Variants in HMGCLL1 observed in about 807,000 individuals in gnomAD.
HMGCLL1 encodes 3-hydroxy-3-methylglutaryl-CoA lyase like 1.
Under a neutral mutation model 39.1 loss-of-function variants are expected in HMGCLL1, and 36 were observed. The observed-to-expected ratio is 0.92, with a 90% CI of 0.71 to 1.22. The LOEUF is 1.22. HMGCLL1 is among the 50% of genes most tolerant of loss of function. HMGCLL1 has a pLI of 0.00. For missense variants in HMGCLL1, 451 were observed against 416.5 expected (o/e 1.08, Z -0.72); for synonymous variants, 149 against 144.0 (o/e 1.03, Z -0.25).
chr6:55,532,005 C>A (rs1768715037), intron 3 of HMGCLL1, among the ~76,000 whole-genome samples: 1 of 152,106 alleles, frequency 6.6e-6, no homozygotes, highest in Non-Finnish European at 1.5e-5. Flanking sequence ...CTTGAATCAT[C>A]TGGAAACTAC....
At chr6:55,576,873 G>A (rs1771783563) in intron 1 of HMGCLL1, among the ~76,000 whole-genome samples, 1 of 152,174 alleles carries the variant, frequency 6.6e-6, no homozygotes, top group African/African-American at 2.4e-5. Context: ...TTTTGAAAAT[G>A]TTTGAGTTTG....
At chr6:55,668,855 G>A in the HMGCLL1 span, among the ~76,000 whole-genome samples, 1 of 151,740 alleles carries the variant, frequency 6.6e-6, no homozygotes, top group Non-Finnish European at 1.5e-5. Flanking sequence ...TACCACAGCA[G>A]CAGCACCAGT....
chr6:55,640,591 A>G, the HMGCLL1 span, among the ~76,000 whole-genome samples: 1 of 151,866 alleles, frequency 6.6e-6, no homozygotes, highest in South Asian at 2.1e-4. Context: ...GAGGTGTAAG[A>G]AAGAAAGGAG....
chr6:55,439,502 T>C lies in HMGCLL1; in HGVS notation c.853A>G (p.Lys285Glu), dbSNP rs763493743. 2.6e-5 allele frequency: 42 copies of C among 1,612,916 alleles called. No homozygotes were observed. In the Admixed American group the frequency reaches 7.0e-4, roughly 27 times the overall value. ...VSGLGGCPYAKGASGNVATED... is the reference protein window; with the variant it reads ...VSGLGGCPYAEGASGNVATED... Reference sequence around the variant, plus strand: ...GTGGCTACATTCCCAGAAGCACCTTTTGCATAAGGGCAGCCACCTAATCCG... The same window carrying C: ...GTGGCTACATTCCCAGAAGCACCTTCTGCATAAGGGCAGCCACCTAATCCG... The change falls in exon 8 of 9, where the codon AAA becomes GAA. Residue 285 changes from lysine (K) to glutamate (E), a missense_variant. Coordinates refer to ENST00000274901, the MANE Select transcript of HMGCLL1 (RefSeq NM_001042406.2).
chr6:55,514,867 C>G (rs886797900), intron 4 of HMGCLL1, among the ~76,000 whole-genome samples: 1 of 152,012 alleles, frequency 6.6e-6, no homozygotes, highest in African/African-American at 2.4e-5. Flanking sequence ...AAATATCAAG[C>G]CTCTCAGTCA....
chr6:55,633,763 G>A, the HMGCLL1 span, among the ~76,000 whole-genome samples: 5 of 152,064 alleles, frequency 3.3e-5, no homozygotes, highest in East Asian at 2.0e-4. Context: ...CTGTAGTGAC[G>A]TTAAACTGTG....
intron 7 of HMGCLL1, among the ~76,000 whole-genome samples, chr6:55,473,524 T>C (rs572994516): frequency 6.6e-6 from 1 of 151,570 alleles, no homozygotes; most frequent in East Asian, 1.9e-4. Context: ...GTATCCCAAA[T>C]TCATTCCTCC....
intron 3 of HMGCLL1, among the ~76,000 whole-genome samples, chr6:55,517,722 A>G (rs1227625809): frequency 6.6e-6 from 1 of 152,080 alleles, no homozygotes; most frequent in Non-Finnish European, 1.5e-5. Flanking sequence ...ACTCTTATTG[A>G]TACATTCATC....
At chr6:55,627,491 G>A in the HMGCLL1 span, among the ~76,000 whole-genome samples, 1 of 152,050 alleles carries the variant, frequency 6.6e-6, no homozygotes, top group South Asian at 2.1e-4. Flanking sequence ...ACATTGACAA[G>A]GGGTGGACTT....
At chr6:55,535,464 T>A (rs1768960278) in intron 3 of HMGCLL1, among the ~76,000 whole-genome samples, 1 of 152,190 alleles carries the variant, frequency 6.6e-6, no homozygotes, top group African/African-American at 2.4e-5. Context: ...GCTGAGTAGA[T>A]CATCAATTAA....
At chr6:55,546,695 G>C (rs1170866664) in intron 1 of HMGCLL1, among the ~76,000 whole-genome samples, 2 of 152,016 alleles carry the variant, frequency 1.3e-5, no homozygotes, top group African/African-American at 4.8e-5. Context: ...AAGTTACAAG[G>C]AATTGTGTTG....
At chr6:55,457,151 G>C (rs566724601) in intron 7 of HMGCLL1, among the ~76,000 whole-genome samples, 5 of 152,214 alleles carry the variant, frequency 3.3e-5, no homozygotes, top group African/African-American at 9.6e-5. Flanking sequence ...CCTTTCCAAG[G>C]AGTTGAAACT....
At chr6:55,556,331 A>G (rs532762396) in intron 1 of HMGCLL1, among the ~76,000 whole-genome samples, 1 of 152,298 alleles carries the variant, frequency 6.6e-6, no homozygotes, top group African/African-American at 2.4e-5. Flanking sequence ...TGAGCAAAGA[A>G]TAAAATGAAA....
intron 1 of HMGCLL1, among the ~76,000 whole-genome samples, chr6:55,556,524 T>C (rs1581945407): frequency 6.6e-6 from 1 of 151,938 alleles, no homozygotes; most frequent in Non-Finnish European, 1.5e-5. Context: ...AGTAAGGAAA[T>C]AGCAAATTGG....
intron 1 of HMGCLL1, among the ~76,000 whole-genome samples, chr6:55,578,537 T>C (rs1231798815): frequency 6.6e-6 from 1 of 152,198 alleles, no homozygotes; most frequent in African/African-American, 2.4e-5. Flanking sequence ...TTCATTCCTT[T>C]TTCTGCCTCA....
intron 7 of HMGCLL1, among the ~76,000 whole-genome samples, chr6:55,469,606 C>T (rs1050608742): frequency 2.0e-5 from 3 of 150,828 alleles, no homozygotes; most frequent in East Asian, 2.0e-4. Flanking sequence ...TTAGCGAAGT[C>T]GAGAGGAAAA....
chr6:55,582,488 A>G (rs1772001879), upstream of HMGCLL1, among the ~76,000 whole-genome samples: 1 of 152,156 alleles, frequency 6.6e-6, no homozygotes, highest in Non-Finnish European at 1.5e-5. Flanking sequence ...GGGGTAAGTC[A>G]TATTTCTTAA....
intron 7 of HMGCLL1, among the ~76,000 whole-genome samples, chr6:55,448,259 T>C (rs1369562640): frequency 6.6e-6 from 1 of 151,294 alleles, no homozygotes. Context: ...AGTTGATAAA[T>C]TACATAAGAT....
At chr6:55,513,917 T>C in intron 5 of HMGCLL1, 131 bp downstream of exon 5, 1 of 778,076 alleles carries the variant, frequency 1.3e-6, no homozygotes. Context: ...GTGATTACCC[T>C]GATTAAACAA....
Sources: allele counts gnomAD v4.1 joint callset (sites outside exome capture counted in the v4.1 genomes callset), GRCh38; gene constraint gnomAD v4.1.1; transcripts MANE v1.5; gene names NCBI Gene and HGNC (gene_info 2026-07-23, HGNC 2026-07-21).